Variants in ROBO2 observed in about 807,000 individuals in gnomAD.
ROBO2 encodes the protein roundabout guidance receptor 2.
ROBO2 carries 53 observed loss-of-function variants against 160.8 expected under a neutral mutation model. That is an observed-to-expected ratio of 0.33 (90% confidence interval 0.26 to 0.41). The LOEUF is 0.41. Among genes scored for constraint, ROBO2 ranks in the 10% least tolerant of loss-of-function variants. The pLI is 1.00. For synonymous variants in ROBO2, 664 were observed against 611.7 expected (o/e 1.09, Z -1.26); for missense variants, 1,577 against 1,722.4 (o/e 0.92, Z 1.49).
chr3:76,567,186 AG>A (rs1219436138), intron 2 of ROBO2, among the ~76,000 whole-genome samples: 2 of 152,178 alleles, frequency 1.3e-5, no homozygotes, highest in Admixed American at 6.5e-5. Context: ...AAGGAGGAAA[AG>A]TAGCAATAAC....
chr3:76,632,475 CATT>C (rs2109480509), intron 2 of ROBO2, among the ~76,000 whole-genome samples: 1 of 152,180 alleles, frequency 6.6e-6, no homozygotes, highest in South Asian at 2.1e-4. Flanking sequence ...AAGGTTGCCT[CATT>C]GTGAGGTAAG....
chr3:76,489,649 TTTTA>T (rs1158695545), intron 2 of ROBO2, among the ~76,000 whole-genome samples: 3 of 152,134 alleles, frequency 2.0e-5, no homozygotes, highest in East Asian at 1.9e-4. Context: ...GAGTTCAAAA[TTTTA>T]TTTGAGTTAT....
chr3:77,604,514 T>C (rs1235601031), intron 20 of ROBO2, among the ~76,000 whole-genome samples: 1 of 152,146 alleles, frequency 6.6e-6, no homozygotes, highest in East Asian at 1.9e-4. Flanking sequence ...CAATTCACAA[T>C]AGTACTTAGT....
At chr3:76,810,346 C>T (rs1396895558) in intron 2 of ROBO2, among the ~76,000 whole-genome samples, 3 of 152,012 alleles carry the variant, frequency 2.0e-5, no homozygotes, top group Non-Finnish European at 2.9e-5. Context: ...TTATTTATAG[C>T]GTCAAATGAC....
intron 23 of ROBO2, chr3:77,631,217 TA>T (rs1204229588): frequency 6.6e-6 from 1 of 152,076 alleles, no homozygotes; most frequent in Non-Finnish European, 1.5e-5. Context: ...AACACCCTTT[TA>T]ACTTCTCCGA....
At chr3:76,539,539 T>C (rs577404763) in intron 2 of ROBO2, among the ~76,000 whole-genome samples, 7 of 152,148 alleles carry the variant, frequency 4.6e-5, no homozygotes, top group Non-Finnish European at 7.3e-5. Context: ...TAGCAAAGTA[T>C]ACAGTTTAAA....
Position 76,926,575 on chromosome 3 carries a change from C to T in ROBO2, c.110-171439C>T, listed in dbSNP as rs368745786. Among the ~76,000 whole-genome samples the T allele has an allele frequency of 1.1e-3, 164 of 152,326 alleles. 2 individuals carry two copies. Among genetic ancestry groups the T allele is most frequent in the Middle Eastern group, 3.4e-3 (1 of 294 alleles). ...TTCTCTTATATCCATGAGCAATTCA[C>T]TTCACTAATGTGATTGTCCATTTGA... On this transcript the variant is annotated intron_variant, in intron 2 of 26. Transcript: ENST00000487694.
chr3:76,056,891 C>T, intron 2 of ROBO2, among the ~76,000 whole-genome samples: 1 of 151,902 alleles, frequency 6.6e-6, no homozygotes, highest in Non-Finnish European at 1.5e-5. Context: ...TAATAGTATG[C>T]AGTTTCAATC....
In ROBO2 at chr3:76,892,002, T is replaced by TAGGAGGTG. The variant is rs1437692590; in HGVS notation, c.110-206010_110-206003dup. On this transcript the variant is annotated intron_variant, in intron 2 of 26. Transcript: ENST00000487694. ...GCCTACAGTGGTGAAAGCCTCTGTG[T>TAGGAGGTG]AGGAGGTGACCTGGGAGTTAAACTT... Among the ~76,000 whole-genome samples, 368 of 151,556 alleles carry TAGGAGGTG rather than the reference T, an allele frequency of 2.4e-3. 3 individuals carry two copies. Among genetic ancestry groups the TAGGAGGTG allele is most frequent in the African/African-American group, 8.8e-3 (359 of 40,914 alleles).
At chr3:77,566,660 T>C (rs1443654828) in intron 12 of ROBO2, among the ~76,000 whole-genome samples, 2 of 152,084 alleles carry the variant, frequency 1.3e-5, no homozygotes, top group African/African-American at 4.8e-5. Context: ...CACTAAATCT[T>C]GACTCATAAA....
At chr3:76,729,210 G>A (rs2093596831) in intron 2 of ROBO2, among the ~76,000 whole-genome samples, 1 of 149,100 alleles carries the variant, frequency 6.7e-6, no homozygotes, top group South Asian at 2.1e-4. Context: ...TAAATGAATT[G>A]TGACTGTACT....
chr3:75,995,925 T>C (rs914322676), intron 2 of ROBO2, among the ~76,000 whole-genome samples: 5 of 152,214 alleles, frequency 3.3e-5, no homozygotes, highest in Non-Finnish European at 5.9e-5. Flanking sequence ...CCTTTTGTTT[T>C]GGCCAATTTC....
chr3:76,220,923 A>G (rs1575955371), intron 2 of ROBO2, among the ~76,000 whole-genome samples: 1 of 152,170 alleles, frequency 6.6e-6, no homozygotes, highest in Non-Finnish European at 1.5e-5. Context: ...TGGTTGTAGA[A>G]CTTGCAGGGT....
At chr3:76,437,173 CA>C (rs2076718910) in intron 2 of ROBO2, among the ~76,000 whole-genome samples, 1 of 151,868 alleles carries the variant, frequency 6.6e-6, no homozygotes, top group African/African-American at 2.4e-5. Context: ...TAATTAACAC[CA>C]AAATTTTCAA....
At chr3:77,347,365 C>T (rs1475272124) in intron 2 of ROBO2, among the ~76,000 whole-genome samples, 1 of 151,940 alleles carries the variant, frequency 6.6e-6, no homozygotes, top group African/African-American at 2.4e-5. Context: ...AATAAGCAGA[C>T]ATCATAATTT....
At chr3:77,220,912 A>G (rs1307027739) in intron 2 of ROBO2, among the ~76,000 whole-genome samples, 1 of 152,192 alleles carries the variant, frequency 6.6e-6, no homozygotes, top group Non-Finnish European at 1.5e-5. Context: ...AATAGTAGAA[A>G]CCATACTTTT....
At chr3:76,534,900 G>A (rs1330281650) in intron 2 of ROBO2, among the ~76,000 whole-genome samples, 2 of 151,978 alleles carry the variant, frequency 1.3e-5, no homozygotes, top group African/African-American at 4.8e-5. Flanking sequence ...GGAAGGAAAT[G>A]GGCTGTAAAG....
chr3:76,591,326 G>A (rs2086403951), intron 2 of ROBO2, among the ~76,000 whole-genome samples: 1 of 152,072 alleles, frequency 6.6e-6, no homozygotes, highest in African/African-American at 2.4e-5. Flanking sequence ...GAGATAAAAA[G>A]GAAAGATTGG....
chr3:76,878,149 A>G (rs1188331691), intron 2 of ROBO2, among the ~76,000 whole-genome samples: 3 of 151,942 alleles, frequency 2.0e-5, no homozygotes, highest in Non-Finnish European at 4.4e-5. Flanking sequence ...CATTGAGCAC[A>G]TTTAAGTTAA....
Sources: gnomAD v4.1 joint callset for allele counts (sites outside exome capture counted in the v4.1 genomes callset) on GRCh38, gnomAD v4.1.1 for gene constraint, MANE v1.5 for transcripts, NCBI Gene and HGNC (gene_info 2026-07-23, HGNC 2026-07-21) for gene names.